The following LTF variants were observed in gnomAD, a reference collection of about 807,000 sequenced individuals.
LTF encodes the protein epididymis luminal protein 110.
Under a neutral mutation model 87.2 loss-of-function variants are expected in LTF, and 91 were observed. The ratio of observed to expected loss-of-function variants is 1.04; its 90% CI spans 0.88 to 1.24. The LOEUF (loss-of-function observed/expected upper bound fraction) is 1.24. Ranked by LOEUF, LTF falls within the 50% of genes most tolerant of loss-of-function variation. The pLI is 0.00. For missense variants in LTF, 901 were observed against 904.3 expected, an observed-to-expected ratio of 1.00 and a Z score of 0.05; for synonymous variants, 378 against 356.1, an observed-to-expected ratio of 1.06 and a Z score of -0.69.
chr3:46,447,256 C>T (rs2106854006), intron 10 of LTF, 52 bp downstream of exon 10: 8 of 1,314,958 alleles, frequency 6.1e-6, no homozygotes, highest in Non-Finnish European at 7.7e-6. Flanking sequence ...TACTCATAGC[C>T]CCACTCCCAT....
At chr3:46,448,236 G>T (rs983199693) in intron 9 of LTF, among the ~76,000 whole-genome samples, 1 of 152,142 alleles carries the variant, frequency 6.6e-6, no homozygotes, top group East Asian at 1.9e-4. Context: ...GTGTGGTGGC[G>T]TATGCCTGTA....
chr3:46,453,418 G>C (rs1416780062), intron 6 of LTF, among the ~76,000 whole-genome samples: 2 of 151,758 alleles, frequency 1.3e-5, no homozygotes, highest in Non-Finnish European at 2.9e-5. Flanking sequence ...TCTGTCTCTG[G>C]TGGCCCTGGG....
intron 1 of LTF, among the ~76,000 whole-genome samples, chr3:46,484,312 T>G (rs1703489131): frequency 6.6e-6 from 1 of 152,182 alleles, no homozygotes; most frequent in African/African-American, 2.4e-5. Flanking sequence ...TTTGGCAGAC[T>G]TTGGGGAACA....
In LTF at chr3:46,441,613, A is replaced by T. The variant is rs1702515213; in HGVS notation, c.1656-130T>A. ...CATCTAAAAGACAACTATTTCTAGGAATTTACTGTTTACAGCGGCAGATTG... is the reference window on the plus strand; with the variant it reads ...CATCTAAAAGACAACTATTTCTAGGTATTTACTGTTTACAGCGGCAGATTG... On this transcript the variant is annotated intron_variant, in intron 13 of 16. Coordinates refer to ENST00000231751, the MANE Select transcript of LTF (RefSeq NM_002343.6). 7 of 690,622 alleles carry T rather than the reference A, an allele frequency of 1.0e-5. No individual in the cohort carries two copies. The Admixed American group carries it at 1.3e-4, about 13-fold the overall frequency. The allele number at this position is 690,622 out of a possible 1,614,324, so 42.8% of individuals were successfully genotyped here. A position where few individuals can be genotyped will look rare whatever the true frequency, so the allele number is the denominator to read the frequency against.
upstream of LTF, among the ~76,000 whole-genome samples, chr3:46,465,483 A>G (rs1703190486): frequency 6.6e-6 from 1 of 152,188 alleles, no homozygotes; most frequent in South Asian, 2.1e-4. Context: ...GAGACCCACA[A>G]TACAGCTCCC....
At position 46,435,861 on chromosome 3, in the gene LTF, A is replaced by G; in HGVS notation, c.*334T>C. 2.9e-6 allele frequency: 1 copy of G among 341,154 alleles called. No individual in the cohort carries two copies. The highest frequency in any genetic ancestry group is 3.4e-5 in the South Asian group (1 of 29,580). The allele number at this position is 341,154 out of a possible 1,614,324, so 21.1% of individuals were successfully genotyped here. On this transcript the variant is annotated 3_prime_UTR_variant, in exon 17 of 17. Coordinates refer to ENST00000231751, the MANE Select transcript of LTF (RefSeq NM_002343.6). ...GGTGCTTGGCCTGGCCTTAAATTCC[A>G]GACCCTTGGGCATCATACCCAAGAC...
rs1029381423 is a variant in LTF at position 46,464,430 on chromosome 3, C to G, written c.43+395G>C. Among the ~76,000 whole-genome samples, 2 of 152,184 alleles carry G rather than the reference C, an allele frequency of 1.3e-5. 1 individual carries two copies. Among genetic ancestry groups the G allele is most frequent in the Admixed American group, 1.3e-4 (2 of 15,284 alleles). Reference sequence around the variant, plus strand: ...CTCGGTCTTGCTGGGGTCTCACAGTCCTCGCAGGAGCTAGGATCTGGACTA... The same window carrying G: ...CTCGGTCTTGCTGGGGTCTCACAGTGCTCGCAGGAGCTAGGATCTGGACTA... On this transcript the variant is annotated intron_variant, in intron 1 of 16. Coordinates refer to ENST00000231751, the MANE Select transcript of LTF (RefSeq NM_002343.6).
Position 46,455,848 on chromosome 3 carries a change from C to T in LTF, c.447G>A (p.Gly149=). The change falls in exon 4 of 17, where the codon GGG becomes GGA. Residue 149 remains glycine (G), a synonymous_variant. Coordinates refer to ENST00000231751, the MANE Select transcript of LTF (RefSeq NM_002343.6). The stretch of plus-strand genomic sequence containing the variant: ...TCCAATTCAAGAATGGACGAAGTGT[C>T]CCTATAGGGACATTCCATCCAGCGG... ...RRTAGWNVPI[G]TLRPFLNWTG... 1.9e-6 allele frequency: 3 copies of T among 1,609,248 alleles called. No individual in the cohort carries two copies. Among genetic ancestry groups the T allele is most frequent in the Non-Finnish European group, 2.5e-6 (3 of 1,177,982 alleles).
intron 6 of LTF, among the ~76,000 whole-genome samples, chr3:46,451,380 A>G (rs545544553): frequency 6.6e-6 from 1 of 152,388 alleles, no homozygotes; most frequent in African/African-American, 2.4e-5. Flanking sequence ...GTATTTAAAA[A>G]GCTAATAGAT....
At position 46,439,469 on chromosome 3, in the gene LTF, C is replaced by A. The variant is rs772513366; in HGVS notation, c.1735G>T (p.Glu579Ter). 2.5e-6 allele frequency: 4 copies of A among 1,604,928 alleles called. No homozygotes were observed. Among genetic ancestry groups the A allele is most frequent in the Non-Finnish European group, 3.4e-6 (4 of 1,175,490 alleles). ...AGCTTCAAATCCTTAGCCCATGCCT[C>A]ATTGTTATTTCCTGGGGAGAAAAAG... ...VLQNTDGNNN[E>*]AWAKDLKLAD... The change falls in exon 15 of 17, where the codon GAG (glutamate) becomes TAG (stop). Residue 579 changes from glutamate (E) to a stop codon, truncating the protein, a stop_gained. Transcript: ENST00000231751. LOFTEE classifies it high-confidence loss of function.
chr3:46,438,204 T>A, intron 15 of LTF, 75 bp from the exon 16 acceptor site: 1 of 1,235,048 alleles, frequency 8.1e-7, no homozygotes, highest in Admixed American at 1.9e-5. Context: ...AAGGGGTATT[T>A]CTTCCACCCA....
At chr3:46,443,652 C>A in intron 12 of LTF, 70 bp from the exon 13 acceptor site, 1 of 1,526,184 alleles carries the variant, frequency 6.6e-7, no homozygotes. Context: ...TACCTAACAG[C>A]CGATGCAGGG....
Position 46,446,460 on chromosome 3 carries a change from C to G in LTF, c.1337G>C (p.Cys446Ser), listed in dbSNP as rs372883344. 1 of 1,613,798 alleles carries G rather than the reference C, an allele frequency of 6.2e-7. No homozygotes were observed. The highest frequency in any genetic ancestry group is 8.5e-7 in the Non-Finnish European group (1 of 1,179,924). The change falls in exon 11 of 17, where the codon TGT becomes TCT. Residue 446 changes from cysteine (C) to serine (S), a missense_variant. By Grantham distance (112) the Cys-to-Ser change is moderately radical. Transcript: ENST00000231751. ...CTCACCTTCCACAGGTCTATCCACA[C>G]AGTTAGGATCAGGGTCACTGCTTTG... ...SQQSSDPDPN[C>S]VDRPVEGYLA...
chr3:46,446,568 A>T lies in LTF; in HGVS notation c.1304-75T>A, dbSNP rs779504105. On this transcript the variant is annotated intron_variant, in intron 10 of 16. Coordinates refer to ENST00000231751, the MANE Select transcript of LTF (RefSeq NM_002343.6). ...AGAAGCCACAAACTCTTAAATCTCA[A>T]TGATGCAGAATCAAATCCAAAGAGA... 137 of 1,247,544 alleles carry T rather than the reference A, an allele frequency of 1.1e-4. 1 individual carries two copies. Among genetic ancestry groups the T allele is most frequent in the Admixed American group, 6.6e-4 (37 of 56,200 alleles). The allele number at this position is 1,247,544 out of a possible 1,614,324, so 77.3% of individuals were successfully genotyped here.
rs35908912 is a variant in LTF at position 46,443,653 on chromosome 3, C to T, written c.1514-71G>A. On this transcript the variant is annotated intron_variant, in intron 12 of 16. Coordinates refer to ENST00000231751, the MANE Select transcript of LTF (RefSeq NM_002343.6). ...ACACAAGCAACCTTTACCTAACAGC[C>T]GATGCAGGGTGGTTTCAGTTCATTA... 2.0e-3 allele frequency: 3,016 copies of T among 1,522,116 alleles called. 13 individuals carry two copies. Among genetic ancestry groups the T allele is most frequent in the African/African-American group, 8.2e-3 (600 of 73,346 alleles). 94.3% of individuals were successfully genotyped at this position (1,522,116 alleles called of 1,614,324 possible). A position where few individuals can be genotyped will look rare whatever the true frequency, so the allele number is the denominator to read the frequency against.
At chr3:46,465,418 A>G (rs1559609213), upstream of LTF, among the ~76,000 whole-genome samples, 2 of 152,208 alleles carry the variant, frequency 1.3e-5, no homozygotes, top group Non-Finnish European at 2.9e-5. Flanking sequence ...CAGAGAAAAG[A>G]GAGGCTGCCC....
At chr3:46,441,707 GAT>G (rs1702517345) in intron 13 of LTF, 3 of 474,698 alleles carry the variant, frequency 6.3e-6, no homozygotes, top group Non-Finnish European at 1.1e-5. Context: ...GAAATCTAAA[GAT>G]ATGCGACCCA....
At position 46,455,828 on chromosome 3, in the gene LTF, T is replaced by C. The variant is rs745890287; in HGVS notation, c.467A>G (p.Asn156Ser). Residue 156 changes from asparagine to serine, a missense_variant, in exon 4 of 17, where the codon AAT becomes AGT. Coordinates refer to ENST00000231751, the MANE Select transcript of LTF (RefSeq NM_002343.6). ...AATGGGCTCAGGTGGACCCGTCCAA[T>C]TCAAGAATGGACGAAGTGTCCCTAT... ...VPIGTLRPFL[N>S]WTGPPEPIEA... 7.5e-6 allele frequency: 12 copies of C among 1,594,358 alleles called. No individual in the cohort carries two copies. The African/African-American group carries it at 1.3e-4, about 18-fold the overall frequency.
At chr3:46,436,350 C>A in intron 16 of LTF, 121 bp from the exon 17 acceptor site, 1 of 869,750 alleles carries the variant, frequency 1.1e-6, no homozygotes, top group South Asian at 1.4e-5. Flanking sequence ...ATCACTGAGT[C>A]AGTGCTTGCC....
Sources: allele counts gnomAD v4.1 joint callset (sites outside exome capture counted in the v4.1 genomes callset), GRCh38; gene constraint gnomAD v4.1.1; transcripts MANE v1.5; gene names NCBI Gene and HGNC (gene_info 2026-07-23, HGNC 2026-07-21).